PTPRR: variants seen among roughly 807,000 people sequenced by gnomAD.
PTPRR encodes protein tyrosine phosphatase receptor type R.
Under a neutral mutation model 77.2 loss-of-function variants are expected in PTPRR, and 38 were observed. The ratio of observed to expected loss-of-function variants is 0.49; its 90% confidence interval spans 0.38 to 0.65. The LOEUF is 0.65. Among genes scored for constraint, PTPRR ranks in the 30% least tolerant of loss-of-function variants. The pLI is 0.00. For missense variants in PTPRR, 744 were observed against 799.2 expected (o/e 0.93, Z 0.83); for synonymous variants, 299 against 283.1 (o/e 1.06, Z -0.57).
intron 2 of PTPRR, among the ~76,000 whole-genome samples, chr12:70,876,632 T>C (rs1007059338): frequency 1.3e-5 from 2 of 152,216 alleles, no homozygotes; most frequent in Admixed American, 1.3e-4. Context: ...CCTACATGAG[T>C]GTAAGCTTCA....
rs77977559 is a variant in PTPRR, at chr12:70,717,596, G to T, written c.1008-16273C>A. Among the ~76,000 whole-genome samples the T allele has an allele frequency of 4.4e-3, 669 of 152,292 alleles. 7 individuals carry two copies. The highest frequency in any genetic ancestry group is 5.3e-3 in the Non-Finnish European group (358 of 68,018). The stretch of plus-strand genomic sequence containing the variant: ...CATTTTTGTAATTTAATGAAAAAAT[G>T]CTTAGTACAGGACATGCAGCACATC... On this transcript the variant is annotated intron_variant, in intron 6 of 13. Transcript: ENST00000283228.
chr12:70,749,589 C>T (rs2136937580), intron 5 of PTPRR, among the ~76,000 whole-genome samples: 1 of 152,220 alleles, frequency 6.6e-6, no homozygotes, highest in East Asian at 1.9e-4. Flanking sequence ...TCCCTTCATC[C>T]CGAGGGATTA....
chr12:70,641,615 T>C (rs1363120301), intron 13 of PTPRR, among the ~76,000 whole-genome samples: 3 of 152,184 alleles, frequency 2.0e-5, no homozygotes, highest in Non-Finnish European at 4.4e-5. Context: ...GGAAAGTATA[T>C]GAAAAGTTCT....
chr12:70,842,230 A>C (rs1892409775), intron 2 of PTPRR, among the ~76,000 whole-genome samples: 1 of 152,216 alleles, frequency 6.6e-6, no homozygotes, highest in Non-Finnish European at 1.5e-5. Flanking sequence ...TAATGAGTAT[A>C]ATCAGATCTG....
Position 70,818,415 on chromosome 12 carries a change from G to A in PTPRR, c.358-53637C>T, listed in dbSNP as rs1891945476. On this transcript the variant is annotated intron_variant, in intron 2 of 13. Coordinates refer to ENST00000283228, the MANE Select transcript of PTPRR (RefSeq NM_002849.4). ...TAAAACATTAACAATGGGGAATCTAGATGAATATAAGCGTACTATGGGAAT... is the reference window on the plus strand; with the variant it reads ...TAAAACATTAACAATGGGGAATCTAAATGAATATAAGCGTACTATGGGAAT... Among the ~76,000 whole-genome samples, 3 of 152,180 alleles carry A rather than the reference G, an allele frequency of 2.0e-5. No individual in the cohort carries two copies. The South Asian group carries it at 6.2e-4, about 32-fold the overall frequency.
intron 4 of PTPRR, among the ~76,000 whole-genome samples, chr12:70,758,572 C>T (rs1025258171): frequency 5.9e-5 from 9 of 152,076 alleles, no homozygotes; most frequent in Non-Finnish European, 1.3e-4. Flanking sequence ...TTGTCCTAGG[C>T]AAGATGTGTA....
At chr12:70,814,692 A>T (rs2137033900) in intron 2 of PTPRR, among the ~76,000 whole-genome samples, 1 of 152,286 alleles carries the variant, frequency 6.6e-6, no homozygotes, top group East Asian at 1.9e-4. Context: ...CAAGACATGA[A>T]AACAAACTGT....
intron 6 of PTPRR, among the ~76,000 whole-genome samples, chr12:70,721,689 G>GTA (rs139458539): frequency 7.2e-4 from 110 of 152,216 alleles, no homozygotes; most frequent in East Asian, 1.5e-3. Flanking sequence ...GCACAGTATA[G>GTA]GATTCATAAC....
chr12:70,664,476 C>G (rs1469764049), intron 10 of PTPRR: 1 of 152,234 alleles, frequency 6.6e-6, no homozygotes, highest in Non-Finnish European at 1.5e-5. Flanking sequence ...AAGAAAGAGG[C>G]ATTCATTCAG....
At chr12:70,830,038 C>T (rs556812771) in intron 2 of PTPRR, among the ~76,000 whole-genome samples, 1 of 152,078 alleles carries the variant, frequency 6.6e-6, no homozygotes, top group African/African-American at 2.4e-5. Context: ...GGCTCTAGGT[C>T]CAGCACTCAT....
At chr12:70,755,002 G>C (rs1393095074) in intron 4 of PTPRR, among the ~76,000 whole-genome samples, 1 of 151,938 alleles carries the variant, frequency 6.6e-6, no homozygotes, top group Non-Finnish European at 1.5e-5. Flanking sequence ...TTCCACTTTG[G>C]GGGTGGAAGA....
intron 2 of PTPRR, among the ~76,000 whole-genome samples, chr12:70,839,733 T>G (rs975193401): frequency 2.0e-5 from 3 of 152,168 alleles, no homozygotes; most frequent in Non-Finnish European, 4.4e-5. Context: ...CTCCCCCTTT[T>G]GGTAACTGGC....
chr12:70,866,190 A>G (rs10879207), intron 2 of PTPRR, among the ~76,000 whole-genome samples: 77,004 of 151,000 alleles, frequency 0.51, 19,855 homozygotes, highest in East Asian at 0.61. Context: ...AAATCAGAGC[A>G]GAACTGAAGG....
intron 10 of PTPRR, among the ~76,000 whole-genome samples, chr12:70,675,960 A>C (rs1297683782): frequency 6.6e-6 from 1 of 150,874 alleles, no homozygotes; most frequent in Non-Finnish European, 1.5e-5. Context: ...AGTTCCAGAG[A>C]TGTGTCTAGC....
intron 2 of PTPRR, among the ~76,000 whole-genome samples, chr12:70,798,348 GC>G (rs1373346259): frequency 1.3e-5 from 2 of 152,134 alleles, no homozygotes; most frequent in East Asian, 3.9e-4. Context: ...TAGCATCCCT[GC>G]TTCCATTCTT....
intron 2 of PTPRR, among the ~76,000 whole-genome samples, chr12:70,825,046 A>T (rs978446539): frequency 2.6e-5 from 4 of 152,248 alleles, no homozygotes; most frequent in African/African-American, 9.6e-5. Flanking sequence ...GCACTTTGGG[A>T]GGCTGAAGGG....
chr12:70,768,782 C>A (rs1053252379), intron 2 of PTPRR, among the ~76,000 whole-genome samples: 1 of 151,984 alleles, frequency 6.6e-6, no homozygotes, highest in Non-Finnish European at 1.5e-5. Context: ...CAAACCGAAT[C>A]CAGCAGCACA....
intron 13 of PTPRR, among the ~76,000 whole-genome samples, chr12:70,648,079 T>C (rs992551113): frequency 2.2e-4 from 33 of 152,292 alleles, no homozygotes; most frequent in African/African-American, 7.7e-4. Flanking sequence ...AAATCCAGAA[T>C]TTAGTCAATC....
intron 13 of PTPRR, among the ~76,000 whole-genome samples, chr12:70,653,321 C>T (rs186299654): frequency 6.6e-6 from 1 of 152,124 alleles, no homozygotes; most frequent in East Asian, 1.9e-4. Context: ...CTGAGGTGGA[C>T]TACACAGGAT....
Sources: allele counts gnomAD v4.1 joint callset (sites outside exome capture counted in the v4.1 genomes callset), GRCh38; gene constraint gnomAD v4.1.1; transcripts MANE v1.5; gene names NCBI Gene and HGNC (gene_info 2026-07-23, HGNC 2026-07-21).